The following UBE4B variants were observed in gnomAD, a reference collection of about 807,000 sequenced individuals.
UBE4B encodes the protein ubiquitination factor E4B.
UBE4B carries 27 observed loss-of-function variants against 148.1 expected under a neutral mutation model. The observed-to-expected ratio is 0.18, with a 90% CI of 0.13 to 0.25. The LOEUF is 0.25. UBE4B is among the 10% of genes least tolerant of loss of function. UBE4B has a pLI of 1.00. For missense variants in UBE4B, 1,170 were observed against 1,662.4 expected, an observed-to-expected ratio of 0.70 and a Z score of 5.15; for synonymous variants, 596 against 619.3, an observed-to-expected ratio of 0.96 and a Z score of 0.56.
chr1:10,060,790 C>T (rs1181022007), intron 1 of UBE4B, among the ~76,000 whole-genome samples: 2 of 151,774 alleles, frequency 1.3e-5, no homozygotes, highest in Admixed American at 6.6e-5. Flanking sequence ...GAGCCAGTCT[C>T]ACTCTGTTGC....
intron 1 of UBE4B, among the ~76,000 whole-genome samples, chr1:10,071,337 T>G (rs530532506): frequency 6.6e-6 from 1 of 152,202 alleles, no homozygotes; most frequent in South Asian, 2.1e-4. Context: ...ATCCTAGTAC[T>G]CTGGGAGGCC....
chr1:10,168,354 T>G lies in UBE4B; in HGVS notation c.3333+84T>G. 1.3e-6 allele frequency: 2 copies of G among 1,512,890 alleles called. No individual in the cohort carries two copies. The highest frequency in any genetic ancestry group is 2.3e-5 in the Admixed American group (1 of 43,920). 93.7% of individuals were successfully genotyped at this position (1,512,890 alleles called of 1,614,324 possible). ...CTTATAACTTTAGCAGTTGTTGAAG[T>G]TCTGGAAATTTTAGGATCACAGTCA... On this transcript the variant is annotated intron_variant, in intron 24 of 27. Coordinates refer to ENST00000343090, the MANE Select transcript of UBE4B (RefSeq NM_001105562.3). This position sits in a 1 kb window ranked among gnomAD's most constrained non-coding sequence, Gnocchi z 4.9.
chr1:10,115,135 CCTT>C (rs1645285930), intron 7 of UBE4B, among the ~76,000 whole-genome samples: 1 of 151,014 alleles, frequency 6.6e-6, no homozygotes, highest in Non-Finnish European at 1.5e-5. Context: ...CATTGTTTCT[CCTT>C]CTTACTGAAA....
chr1:10,040,282 T>A (rs990722472), intron 1 of UBE4B, among the ~76,000 whole-genome samples: 6 of 151,746 alleles, frequency 4.0e-5, no homozygotes, highest in African/African-American at 1.5e-4. Context: ...GCTAATTTTT[T>A]AATTTTTAGT....
intron 23 of UBE4B, among the ~76,000 whole-genome samples, chr1:10,164,888 C>G (rs770018903): frequency 3.9e-5 from 6 of 152,136 alleles, no homozygotes; most frequent in Non-Finnish European, 8.8e-5. Context: ...AATAATAACT[C>G]ATGATGAGAA....
intron 2 of UBE4B, among the ~76,000 whole-genome samples, chr1:10,082,999 T>C (rs1207054742): frequency 2.0e-5 from 3 of 152,210 alleles, no homozygotes; most frequent in Admixed American, 6.5e-5. Flanking sequence ...CATTCTTTTT[T>C]ACGGCTGCAT....
intron 17 of UBE4B, among the ~76,000 whole-genome samples, chr1:10,137,699 G>C (rs940751795): frequency 1.3e-5 from 2 of 152,044 alleles, no homozygotes; most frequent in African/African-American, 4.8e-5. Context: ...CAATTCATTA[G>C]CACCATGGTT....
Position 10,072,275 on chromosome 1 carries a change from G to A in UBE4B, c.211+61G>A, listed in dbSNP as rs1644500021. 4 of 1,551,174 alleles carry A rather than the reference G, an allele frequency of 2.6e-6. No individual in the cohort carries two copies. In the East Asian group the frequency reaches 6.7e-5, roughly 26 times the overall value. ...ATTCTTCTTAGCTTTTTGTTAAGCT[G>A]ATGGTTGTGATGTTTCCAGAACAGA... On this transcript the variant is annotated intron_variant, in intron 2 of 27. Coordinates refer to ENST00000343090, the MANE Select transcript of UBE4B (RefSeq NM_001105562.3).
chr1:10,045,052 A>AGGAGGGTGCAATGTAGATCC (rs1643885400), intron 1 of UBE4B, among the ~76,000 whole-genome samples: 1 of 152,192 alleles, frequency 6.6e-6, no homozygotes, highest in African/African-American at 2.4e-5. Context: ...GATTCTCCTA[A>AGGAGGGTGCAATGTAGATCC]GGAGGGTGCA....
At chr1:10,081,526 GTGATCCTTT>G in intron 2 of UBE4B, among the ~76,000 whole-genome samples, 1 of 150,324 alleles carries the variant, frequency 6.7e-6, no homozygotes, top group South Asian at 2.1e-4. Context: ...CCAGGCTCAA[GTGATCCTTT>G]TACCTCAGCC....
chr1:10,133,139 G>A (rs1170450032), intron 15 of UBE4B, among the ~76,000 whole-genome samples: 3 of 152,184 alleles, frequency 2.0e-5, no homozygotes, highest in Admixed American at 6.5e-5. Flanking sequence ...GCTTCGGTCC[G>A]GGTGAGACAG....
intron 7 of UBE4B, among the ~76,000 whole-genome samples, chr1:10,111,268 C>T (rs963707963): frequency 2.0e-5 from 3 of 152,074 alleles, no homozygotes; most frequent in Admixed American, 2.0e-4. Context: ...CATACATGCA[C>T]ATACGTGCCC....
intron 22 of UBE4B, among the ~76,000 whole-genome samples, chr1:10,160,893 T>G (rs1646149359): frequency 6.6e-6 from 1 of 151,962 alleles, no homozygotes; most frequent in Admixed American, 6.6e-5. Context: ...CAGTGAGCTG[T>G]GATTGTGCCA....
intron 2 of UBE4B, among the ~76,000 whole-genome samples, chr1:10,084,335 A>G (rs1644729753): frequency 6.6e-6 from 1 of 152,144 alleles, no homozygotes; most frequent in African/African-American, 2.4e-5. Flanking sequence ...ATTTCCAATT[A>G]TAATCTAATC....
chr1:10,132,299 C>T (rs1054725746), intron 14 of UBE4B, 70 bp from the exon 15 acceptor site: 17 of 1,199,584 alleles, frequency 1.4e-5, no homozygotes, highest in East Asian at 5.0e-5. Context: ...GCTAGCTGTT[C>T]GTGAAGTCAA....
At chr1:10,071,494 G>A (rs1286224308) in intron 1 of UBE4B, among the ~76,000 whole-genome samples, 1 of 152,140 alleles carries the variant, frequency 6.6e-6, no homozygotes, top group East Asian at 1.9e-4. Flanking sequence ...AGGCCGAGGT[G>A]GGAAGATTAC....
At chr1:10,135,432 C>T (rs1307079915) in intron 16 of UBE4B, among the ~76,000 whole-genome samples, 2 of 151,836 alleles carry the variant, frequency 1.3e-5, no homozygotes, top group East Asian at 1.9e-4. Context: ...GGTGAAACCC[C>T]GTCTCTACTA....
chr1:10,096,379 C>T (rs924809639), intron 3 of UBE4B, among the ~76,000 whole-genome samples: 1 of 152,098 alleles, frequency 6.6e-6, no homozygotes, highest in African/African-American at 2.4e-5. Flanking sequence ...CTCCTTGGAC[C>T]TGGCTCCTCT....
intron 2 of UBE4B, among the ~76,000 whole-genome samples, chr1:10,080,767 A>G (rs1296242049): frequency 6.6e-6 from 1 of 152,232 alleles, no homozygotes; most frequent in Non-Finnish European, 1.5e-5. Flanking sequence ...GGCAACATGG[A>G]TGAACTTGGA....
Sources: allele counts gnomAD v4.1 joint callset (sites outside exome capture counted in the v4.1 genomes callset), GRCh38; gene constraint gnomAD v4.1.1; non-coding constraint Gnocchi (gnomAD v3.1); transcripts MANE v1.5; gene names NCBI Gene and HGNC (gene_info 2026-07-23, HGNC 2026-07-21).